Variants in KIRREL3 observed in about 807,000 individuals in gnomAD.
The protein encoded by KIRREL3 is kirre like nephrin family adhesion molecule 3.
A neutral mutation model predicts 89.7 loss-of-function variants in KIRREL3; 36 were observed. The observed-to-expected ratio is 0.40, with a 90% CI of 0.31 to 0.53. The LOEUF (loss-of-function observed/expected upper bound fraction) is 0.53. Among genes scored for constraint, KIRREL3 ranks in the 20% least tolerant of loss-of-function variants. The pLI, the probability that KIRREL3 is intolerant of heterozygous loss-of-function variation, is 0.49. For missense variants in KIRREL3, 864 were observed against 1,056.6 expected (o/e 0.82, Z 2.53); for synonymous variants, 445 against 441.4 (o/e 1.01, Z -0.10).
chr11:126,534,921 T>C (rs1237208850), intron 2 of KIRREL3, among the ~76,000 whole-genome samples: 1 of 152,144 alleles, frequency 6.6e-6, no homozygotes, highest in Non-Finnish European at 1.5e-5. Flanking sequence ...ATGAACCCTG[T>C]CCTGATGGGC....
chr11:126,738,758 C>T (rs1948886555), intron 1 of KIRREL3, among the ~76,000 whole-genome samples: 1 of 152,118 alleles, frequency 6.6e-6, no homozygotes, highest in Non-Finnish European at 1.5e-5. Flanking sequence ...CTAAAAGCAC[C>T]CAGAGAGATT....
intron 1 of KIRREL3, among the ~76,000 whole-genome samples, chr11:126,659,332 T>C (rs1325514915): frequency 1.3e-5 from 2 of 152,226 alleles, no homozygotes; most frequent in Non-Finnish European, 2.9e-5. Flanking sequence ...AAAATTCATA[T>C]TGAACACTTA....
intron 1 of KIRREL3, among the ~76,000 whole-genome samples, chr11:126,827,954 C>T (rs1258865573): frequency 2.6e-5 from 4 of 152,100 alleles, no homozygotes; most frequent in Admixed American, 2.0e-4. Context: ...GACTTGGATC[C>T]AATCTTAGTG....
At chr11:126,510,373 C>T (rs959895951) in intron 4 of KIRREL3, among the ~76,000 whole-genome samples, 4 of 151,932 alleles carry the variant, frequency 2.6e-5, no homozygotes, top group Non-Finnish European at 4.4e-5. Context: ...CTTAACTGAA[C>T]TCTGTTAGTT....
rs116291238 is a variant in KIRREL3 at position 126,765,748 on chromosome 11, T to C, written c.56-202836A>G. Reference sequence around the variant, plus strand: ...TGACCTCAGCCAGGAGAGTCCAACATAACTCACTCCTCAGGCGGATTAATT... The same window carrying C: ...TGACCTCAGCCAGGAGAGTCCAACACAACTCACTCCTCAGGCGGATTAATT... On this transcript the variant is annotated intron_variant, in intron 1 of 16. Coordinates refer to ENST00000525144, the MANE Select transcript of KIRREL3 (RefSeq NM_032531.4). Among the ~76,000 whole-genome samples, 816 of 152,266 alleles carry C rather than the reference T, an allele frequency of 5.4e-3. 8 individuals are homozygous for C. The highest frequency in any genetic ancestry group is 0.018 in the African/African-American group (757 of 41,546).
At chr11:126,727,303 C>T (rs565519706) in intron 1 of KIRREL3, among the ~76,000 whole-genome samples, 4 of 152,278 alleles carry the variant, frequency 2.6e-5, no homozygotes, top group Non-Finnish European at 4.4e-5. Context: ...TTCTCAGAAG[C>T]TCAGCTACCT....
chr11:126,678,330 G>T (rs1334546973), intron 1 of KIRREL3, among the ~76,000 whole-genome samples: 1 of 152,156 alleles, frequency 6.6e-6, no homozygotes, highest in Non-Finnish European at 1.5e-5. Flanking sequence ...GTCAGGCGTG[G>T]TGGCTCACGC....
At chr11:126,852,741 C>T (rs1394048689) in intron 1 of KIRREL3, among the ~76,000 whole-genome samples, 4 of 152,168 alleles carry the variant, frequency 2.6e-5, no homozygotes, top group African/African-American at 7.2e-5. Context: ...AAAGGAGAAA[C>T]TGAGGCATGG....
rs1948908444 is a variant in KIRREL3, at chr11:126,955,869, G to T, written c.55+44586C>A. Among the ~76,000 whole-genome samples, 1 of 152,078 alleles carries T rather than the reference G, an allele frequency of 6.6e-6. No individual in the cohort carries two copies. Among genetic ancestry groups the T allele is most frequent in the African/African-American group, 2.4e-5 (1 of 41,390 alleles). Reference sequence around the variant, plus strand: ...CATTCTGATTGTATCTGTTTTGATTGGTCAGCACCACTGATGCCCCAGTTC... The same window carrying T: ...CATTCTGATTGTATCTGTTTTGATTTGTCAGCACCACTGATGCCCCAGTTC... On this transcript the variant is annotated intron_variant, in intron 1 of 16. Transcript: ENST00000525144. This position sits in a 1 kb window ranked among gnomAD's most constrained non-coding sequence, Gnocchi z 4.6.
At chr11:126,458,967 G>A (rs907580705) in intron 6 of KIRREL3, among the ~76,000 whole-genome samples, 11 of 152,146 alleles carry the variant, frequency 7.2e-5, no homozygotes, top group African/African-American at 2.2e-4. Context: ...TGATCTGGGC[G>A]TCCGTGGGAC....
chr11:126,435,149 AG>A (rs1955272257), intron 13 of KIRREL3, 118 bp downstream of exon 13: 1 of 1,034,808 alleles, frequency 9.7e-7, no homozygotes, highest in Middle Eastern at 2.0e-4. Context: ...AGGACGGGGG[AG>A]GGCGGAGACA....
chr11:126,480,509 A>G (rs1957187107), intron 4 of KIRREL3, among the ~76,000 whole-genome samples: 1 of 152,234 alleles, frequency 6.6e-6, no homozygotes, highest in African/African-American at 2.4e-5. Flanking sequence ...CCACACAGCC[A>G]TAAGTGGTGA....
At chr11:126,982,898 A>G (rs1234678218) in intron 1 of KIRREL3, among the ~76,000 whole-genome samples, 1 of 152,190 alleles carries the variant, frequency 6.6e-6, no homozygotes, top group African/African-American at 2.4e-5. Flanking sequence ...GAGTTCTCAT[A>G]CTCTAGACTA....
Position 126,641,972 on chromosome 11 carries a change from G to A in KIRREL3, c.56-79060C>T, listed in dbSNP as rs571076662. Among the ~76,000 whole-genome samples the A allele has an allele frequency of 3.9e-5, 6 of 152,282 alleles. No individual in the cohort carries two copies. The highest frequency in any genetic ancestry group is 1.4e-4 in the African/African-American group (6 of 41,552). On this transcript the variant is annotated intron_variant, in intron 1 of 16. Transcript: ENST00000525144. This position sits in a 1 kb window ranked among gnomAD's most constrained non-coding sequence, Gnocchi z 5.0. ...GGGAAGGATCCTCTCTCCATTATAT[G>A]AAAAGTAGGTGTCTAGTGGGGAGGA...
rs745738081 is a variant in KIRREL3 at position 126,579,372 on chromosome 11, A to G, written c.56-16460T>C. ...CGGGTACCTGAGACTGTAGCTCCTC[A>G]TTTCCTAAATCCTCCTGCTTGTTGT... On this transcript the variant is annotated intron_variant, in intron 1 of 16. Transcript: ENST00000525144. The surrounding 1 kb of genome is among the most constrained non-coding windows in gnomAD (Gnocchi z 5.3). Among the ~76,000 whole-genome samples the G allele has an allele frequency of 8.6e-5, 13 of 152,026 alleles. No individual in the cohort carries two copies. Among genetic ancestry groups the G allele is most frequent in the Non-Finnish European group, 1.5e-4 (10 of 67,996 alleles).
At position 126,780,562 on chromosome 11, in the gene KIRREL3, C is replaced by T. The variant is rs915487807; in HGVS notation, c.56-217650G>A. On this transcript the variant is annotated intron_variant, in intron 1 of 16. Transcript: ENST00000525144. The surrounding 1 kb of genome is among the most constrained non-coding windows in gnomAD (Gnocchi z 5.3). The stretch of plus-strand genomic sequence containing the variant: ...ATTTCTCATCAGTATATATCTTCCC[C>T]GAGCAGCCTCTTGACAGAACATCAA... 3.9e-5 allele frequency among the ~76,000 whole-genome samples: 6 copies of T among 152,134 alleles called. No individual in the cohort carries two copies. Among genetic ancestry groups the T allele is most frequent in the African/African-American group, 9.7e-5 (4 of 41,430 alleles).
chr11:126,818,724 A>G (rs1259224043), intron 1 of KIRREL3, among the ~76,000 whole-genome samples: 1 of 151,960 alleles, frequency 6.6e-6, no homozygotes, highest in East Asian at 1.9e-4. Flanking sequence ...ATCCTTATTG[A>G]TTGACAGATA....
intron 1 of KIRREL3, among the ~76,000 whole-genome samples, chr11:126,602,605 C>T (rs1942708644): frequency 6.6e-6 from 1 of 152,174 alleles, no homozygotes; most frequent in African/African-American, 2.4e-5. Context: ...TTGAACGCCT[C>T]TGATCTCTCC....
rs1940105537 is a variant in KIRREL3 at position 126,561,369 on chromosome 11, A to G, written c.133+1466T>C. ...AAGCTGAGGTCAGATATCTGGAGCT[A>G]TGGGTTTCAATTCCAGCCCAGCTCC... On this transcript the variant is annotated intron_variant, in intron 2 of 16. Coordinates refer to ENST00000525144, the MANE Select transcript of KIRREL3 (RefSeq NM_032531.4). This position sits in a 1 kb window ranked among gnomAD's most constrained non-coding sequence, Gnocchi z 4.5. 6.6e-6 allele frequency among the ~76,000 whole-genome samples: 1 copy of G among 152,162 alleles called. No individual in the cohort carries two copies.
Sources: allele counts gnomAD v4.1 joint callset (sites outside exome capture counted in the v4.1 genomes callset), GRCh38; gene constraint gnomAD v4.1.1; non-coding constraint Gnocchi (gnomAD v3.1); transcripts MANE v1.5; gene names NCBI Gene and HGNC (gene_info 2026-07-23, HGNC 2026-07-21).